The following LIPN variants were observed in gnomAD, a reference collection of about 807,000 sequenced individuals.
The protein encoded by LIPN is lipase member N.
Under a neutral mutation model 43.7 loss-of-function variants are expected in LIPN, and 32 were observed. The observed-to-expected ratio is 0.73, with a 90% CI of 0.55 to 0.98. The LOEUF is 0.98. Ranked by LOEUF, LIPN falls within the 50% of genes least tolerant of loss-of-function variation. LIPN has a pLI of 0.00. For synonymous variants in LIPN, 156 were observed against 157.6 expected, an observed-to-expected ratio of 0.99 and a Z score of 0.08; for missense variants, 505 against 483.8, an observed-to-expected ratio of 1.04 and a Z score of -0.41.
rs61854006 is a variant in LIPN at position 88,778,900 on chromosome 10, A to C, written c.*658A>C. On this transcript the variant is annotated 3_prime_UTR_variant, in exon 10 of 10. Coordinates refer to ENST00000404459, the MANE Select transcript of LIPN (RefSeq NM_001102469.2). Reference sequence around the variant, plus strand: ...CAGAAATAAATTGTACAGCATCAATATCATTTTATAATCATAGGGAGGCTT... The same window carrying C: ...CAGAAATAAATTGTACAGCATCAATCTCATTTTATAATCATAGGGAGGCTT... Among the ~76,000 whole-genome samples, 3,208 of 152,310 alleles carry C rather than the reference A, an allele frequency of 0.021. 43 individuals are homozygous for C. The highest frequency in any genetic ancestry group is 0.032 in the Non-Finnish European group (2,195 of 68,026).
intron 9 of LIPN, among the ~76,000 whole-genome samples, chr10:88,777,245 T>C (rs887373636): frequency 6.6e-6 from 1 of 152,118 alleles, no homozygotes; most frequent in Non-Finnish European, 1.5e-5. Flanking sequence ...ATTTTCCTTC[T>C]GTTTGTGATT....
rs1015247726 is a variant in LIPN, at chr10:88,778,450, T to C, written c.*208T>C. On this transcript the variant is annotated 3_prime_UTR_variant, in exon 10 of 10. Coordinates refer to ENST00000404459, the MANE Select transcript of LIPN (RefSeq NM_001102469.2). Reference sequence around the variant, plus strand: ...CTACAGGTCCTTATAAACAATGAGGTAGATTAGGCAAAAAGATAAACAAGT... The same window carrying C: ...CTACAGGTCCTTATAAACAATGAGGCAGATTAGGCAAAAAGATAAACAAGT... Among the ~76,000 whole-genome samples, 1 of 152,100 alleles carries C rather than the reference T, an allele frequency of 6.6e-6. No homozygotes were observed. The highest frequency in any genetic ancestry group is 2.4e-5 in the African/African-American group (1 of 41,432).
In LIPN at chr10:88,767,644, C is replaced by CAAAAAAAAA. The variant is rs61646268; in HGVS notation, c.536-1108_536-1100dup. The stretch of plus-strand genomic sequence containing the variant: ...TAGATATGCTCTTATACTTGATCTG[C>CAAAAAAAAA]AAAAAAAAAAAAAAAAAAAAAAAAA... On this transcript the variant is annotated intron_variant, in intron 5 of 9. Transcript: ENST00000404459. Among the ~76,000 whole-genome samples the CAAAAAAAAA allele has an allele frequency of 2.3e-4, 14 of 61,520 alleles. 1 individual carries two copies. The highest frequency in any genetic ancestry group is 3.9e-4 in the Non-Finnish European group (13 of 33,216). 40.4% of individuals were successfully genotyped at this position (61,520 alleles called of 152,430 possible).
chr10:88,768,698 G>C, intron 5 of LIPN, 94 bp from the exon 6 acceptor site: 5 of 991,132 alleles, frequency 5.0e-6, no homozygotes, highest in Non-Finnish European at 7.5e-6. Flanking sequence ...GATCACGATA[G>C]AAGGAAAAAA....
chr10:88,775,205 A>T, intron 9 of LIPN, 42 bp downstream of exon 9: 1 of 1,367,178 alleles, frequency 7.3e-7, no homozygotes, highest in Non-Finnish European at 1.0e-6. Context: ...ATTTTGATAA[A>T]TTATAATAAA....
intron 4 of LIPN, 140 bp downstream of exon 4, chr10:88,764,748 A>G: frequency 1.8e-6 from 1 of 557,852 alleles, no homozygotes; most frequent in South Asian, 4.3e-5. Context: ...AAGGAGGGTA[A>G]CAGCAAGAAG....
rs303471 is a variant in LIPN at position 88,774,941 on chromosome 10, G to A, written c.892-151G>A. ...ATTGCTCATCTTTCTGTTGAGCCCC[G>A]TTTGTCATAATTGTAAAATGGGTGG... is the stretch of plus-strand genomic sequence containing the variant. On this transcript the variant is annotated intron_variant, in intron 8 of 9. Transcript: ENST00000404459. 383,166 of 588,058 alleles carry A rather than the reference G, an allele frequency of 0.65. 127,325 individuals carry two copies. The highest frequency in any genetic ancestry group is 0.91 in the East Asian group (28,711 of 31,688). The allele number at this position is 588,058 out of a possible 1,614,324, so 36.4% of individuals were successfully genotyped here.
chr10:88,757,568 A>G (rs1439384834), upstream of LIPN, among the ~76,000 whole-genome samples: 1 of 152,142 alleles, frequency 6.6e-6, no homozygotes, highest in African/African-American at 2.4e-5. Flanking sequence ...CTCTTCTATT[A>G]TAGCCATTAT....
intron 1 of LIPN, 53 bp from the exon 2 acceptor site, chr10:88,761,345 A>C: frequency 9.8e-7 from 1 of 1,021,392 alleles, no homozygotes; most frequent in Admixed American, 1.7e-5. Flanking sequence ...TTATTTCATT[A>C]ATCAACATTG....
Position 88,761,514 on chromosome 10 carries a change from GTAAGTCA to G in LIPN, c.108+3_108+9del, listed in dbSNP as rs1206866805. 1 of 1,591,782 alleles carries G rather than the reference GTAAGTCA, an allele frequency of 6.3e-7. No homozygotes were observed. Among genetic ancestry groups the G allele is most frequent in the Non-Finnish European group, 8.6e-7 (1 of 1,160,750 alleles). On this transcript the variant is annotated splice_donor_variant and splice_donor_5th_base_variant and intron_variant, in intron 2 of 9. Transcript: ENST00000404459. LOFTEE classifies it high-confidence loss of function. ...GAATCCTGAGGTGTGGATGAATACT[GTAAGTCA>G]TGGAAAACTGTGAAGAACATCAAAT...
chr10:88,761,272 T>C (rs1465790635), intron 1 of LIPN, 126 bp from the exon 2 acceptor site: 1 of 654,028 alleles, frequency 1.5e-6, no homozygotes, highest in African/African-American at 1.8e-5. Context: ...TTCCTTTTTA[T>C]ACATTATCTG....
At chr10:88,765,510 A>T (rs1487518935) in intron 4 of LIPN, among the ~76,000 whole-genome samples, 1 of 151,918 alleles carries the variant, frequency 6.6e-6, no homozygotes, top group Non-Finnish European at 1.5e-5. Flanking sequence ...GTAAGTCCCA[A>T]TCTATAGATT....
intron 6 of LIPN, among the ~76,000 whole-genome samples, 190 bp downstream of exon 6, chr10:88,769,118 T>C (rs1429107376): frequency 1.3e-5 from 2 of 151,916 alleles, no homozygotes; most frequent in African/African-American, 4.8e-5. Flanking sequence ...ATCTGCAGGT[T>C]CTGTAATACA....
At chr10:88,768,770 G>A in intron 5 of LIPN, 22 bp from the exon 6 acceptor site, 1 of 1,602,310 alleles carries the variant, frequency 6.2e-7, no homozygotes, top group Non-Finnish European at 8.5e-7. Flanking sequence ...TTACAAGATT[G>A]TCTTATCTCC....
At chr10:88,759,926 C>T (rs1426789263), upstream of LIPN, among the ~76,000 whole-genome samples, 1 of 152,038 alleles carries the variant, frequency 6.6e-6, no homozygotes, top group Non-Finnish European at 1.5e-5. Flanking sequence ...AGGGACACGC[C>T]TTGGGTGTGT....
intron 5 of LIPN, 112 bp from the exon 6 acceptor site, chr10:88,768,680 C>T: frequency 2.7e-6 from 2 of 750,576 alleles, no homozygotes; most frequent in Admixed American, 2.8e-5. Flanking sequence ...CCAATTCATC[C>T]CCAGTATGAT....
chr10:88,774,432 T>C (rs978784803), intron 7 of LIPN, 41 bp from the exon 8 acceptor site: 1 of 1,444,786 alleles, frequency 6.9e-7, no homozygotes, highest in Non-Finnish European at 9.7e-7. Context: ...AGGCAAAATT[T>C]TGTTGGGCAA....
At chr10:88,757,544 T>A (rs533503898), upstream of LIPN, among the ~76,000 whole-genome samples, 19 of 152,286 alleles carry the variant, frequency 1.2e-4, no homozygotes, top group East Asian at 1.9e-3. Flanking sequence ...TTGATAGATC[T>A]TTTTGTCACT....
intron 7 of LIPN, 93 bp downstream of exon 7, chr10:88,771,084 A>T: frequency 1.8e-6 from 2 of 1,104,176 alleles, no homozygotes; most frequent in Non-Finnish European, 2.6e-6. Context: ...GTATAAATTC[A>T]TATGGTATTC....
Sources: gnomAD v4.1 joint callset for allele counts (sites outside exome capture counted in the v4.1 genomes callset) on GRCh38, gnomAD v4.1.1 for gene constraint, MANE v1.5 for transcripts, NCBI Gene and HGNC (gene_info 2026-07-23, HGNC 2026-07-21) for gene names.